PUM2: variants seen among roughly 807,000 people sequenced by gnomAD.
The protein encoded by PUM2 is pumilio RNA binding family member 2.
PUM2 carries 57 observed loss-of-function variants against 124.5 expected under a neutral mutation model. The observed-to-expected ratio is 0.46, with a 90% CI of 0.37 to 0.57. The LOEUF is 0.57. Among genes scored for constraint, PUM2 ranks in the 20% least tolerant of loss-of-function variants. PUM2 has a pLI of 0.00. For synonymous variants in PUM2, 460 were observed against 446.1 expected (o/e 1.03, Z -0.39); for missense variants, 1,065 against 1,290.6 (o/e 0.83, Z 2.68).
chr2:20,267,860 T>C (rs757554572), intron 13 of PUM2, among the ~76,000 whole-genome samples: 3 of 152,164 alleles, frequency 2.0e-5, no homozygotes, highest in Non-Finnish European at 4.4e-5. Context: ...CTTTAATTGG[T>C]TCCAGGACCC....
At chr2:20,288,318 GAC>G (rs1194094568) in intron 10 of PUM2, among the ~76,000 whole-genome samples, 1 of 152,132 alleles carries the variant, frequency 6.6e-6, no homozygotes, top group East Asian at 1.9e-4. Flanking sequence ...CAAAGAGTTG[GAC>G]ACAGTCAACA....
At chr2:20,260,751 ATTCAT>A (rs1450789985) in intron 14 of PUM2, among the ~76,000 whole-genome samples, 1 of 152,172 alleles carries the variant, frequency 6.6e-6, no homozygotes, top group Non-Finnish European at 1.5e-5. Flanking sequence ...TTTGCTGCTT[ATTCAT>A]TTATTTTTCA....
chr2:20,255,411 G>T, intron 17 of PUM2, 70 bp from the exon 18 acceptor site: 7 of 1,370,178 alleles, frequency 5.1e-6, no homozygotes, highest in Non-Finnish European at 6.9e-6. Flanking sequence ...AAGCAGACTG[G>T]TTTGTTTTTT....
intron 10 of PUM2, among the ~76,000 whole-genome samples, chr2:20,290,126 T>C (rs145763570): frequency 6.6e-6 from 1 of 152,348 alleles, no homozygotes; most frequent in Non-Finnish European, 1.5e-5. Context: ...AGAAATTTTA[T>C]ACTGTAATTT....
At chr2:20,296,799 A>G (rs1264437116) in intron 8 of PUM2, among the ~76,000 whole-genome samples, 1 of 152,196 alleles carries the variant, frequency 6.6e-6, no homozygotes, top group Non-Finnish European at 1.5e-5. Context: ...AAGAACCCCA[A>G]CTAAGATCAG....
At position 20,254,202 on chromosome 2, in the gene PUM2, C is replaced by A. The variant is rs534846979; in HGVS notation, c.2871-188G>T. Reference sequence around the variant, plus strand: ...TTGAGACAGGGTCTTGTTCTGTCACCCGGGCTGGAGTGCAGTGATGCTATC... The same window carrying A: ...TTGAGACAGGGTCTTGTTCTGTCACACGGGCTGGAGTGCAGTGATGCTATC... On this transcript the variant is annotated intron_variant, in intron 19 of 20. Transcript: ENST00000361078. 4.0e-5 allele frequency among the ~76,000 whole-genome samples: 6 copies of A among 151,898 alleles called. No individual in the cohort carries two copies. The East Asian group carries it at 9.7e-4, about 24-fold the overall frequency.
chr2:20,289,375 C>A (rs562429047), intron 10 of PUM2, among the ~76,000 whole-genome samples: 1 of 152,158 alleles, frequency 6.6e-6, no homozygotes, highest in Non-Finnish European at 1.5e-5. Flanking sequence ...CCAAAATAGT[C>A]TCAGTGGCCC....
chr2:20,351,469 G>A (rs997547710), upstream of PUM2, among the ~76,000 whole-genome samples: 1 of 152,214 alleles, frequency 6.6e-6, no homozygotes, highest in Admixed American at 6.5e-5. Context: ...CCAGTGCTTG[G>A]TCCCGGTGCA....
chr2:20,278,732 G>A lies in PUM2; in HGVS notation c.1808C>T (p.Ala603Val). Residue 603 changes from alanine (A) to valine (V), a missense_variant, in exon 13 of 21, where the codon GCA becomes GTA. Around this residue, in one of 3 missense-constraint regions of PUM2, gnomAD observed 968 missense variants for 1,159.8 expected, o/e 0.83. Transcript: ENST00000361078. The part of the protein sequence containing the change: ...DLYKRSSSSL[A>V]PIGQPFYNSL... Reference sequence around the variant, plus strand: ...ATTGTAAAATGGTTGCCCTATGGGTGCTAGGCTGCTACTAGATCTTTTGTA... The same window carrying A: ...ATTGTAAAATGGTTGCCCTATGGGTACTAGGCTGCTACTAGATCTTTTGTA... 6.2e-7 allele frequency: 1 copy of A among 1,613,584 alleles called. No individual in the cohort carries two copies.
chr2:20,334,156 T>TA (rs1033013581), intron 1 of PUM2, among the ~76,000 whole-genome samples: 90 of 151,612 alleles, frequency 5.9e-4, no homozygotes, highest in Non-Finnish European at 1.2e-3. Flanking sequence ...AATTTTTTTT[T>TA]AAAAAATTAG....
At chr2:20,286,078 T>G (rs1242571825) in intron 10 of PUM2, among the ~76,000 whole-genome samples, 1 of 152,188 alleles carries the variant, frequency 6.6e-6, no homozygotes, top group African/African-American at 2.4e-5. Flanking sequence ...TACAGGTCAC[T>G]GTTAATAACT....
At chr2:20,348,556 C>A (rs529788751) in intron 1 of PUM2, among the ~76,000 whole-genome samples, 65 of 152,312 alleles carry the variant, frequency 4.3e-4, no homozygotes, top group African/African-American at 1.4e-3. Flanking sequence ...ACACCTGGCC[C>A]AAATCTCTGG....
intron 1 of PUM2, among the ~76,000 whole-genome samples, chr2:20,340,997 TTTTG>T (rs1453806689): frequency 2.6e-5 from 4 of 152,212 alleles, no homozygotes; most frequent in East Asian, 1.9e-4. Context: ...AAACTGAACT[TTTTG>T]TTTATTTGTT....
intron 1 of PUM2, among the ~76,000 whole-genome samples, chr2:20,348,922 C>G (rs888885487): frequency 2.6e-5 from 4 of 152,162 alleles, no homozygotes; most frequent in African/African-American, 7.2e-5. Context: ...AGAACCAGAC[C>G]CTGTCTCAAA....
intron 1 of PUM2, among the ~76,000 whole-genome samples, chr2:20,347,657 C>A (rs1212695702): frequency 6.6e-6 from 1 of 152,190 alleles, no homozygotes; most frequent in Non-Finnish European, 1.5e-5. Context: ...CAACAGAATT[C>A]CGAACTGACT....
intron 1 of PUM2, chr2:20,331,698 G>A (rs1684958447): frequency 6.6e-6 from 1 of 151,662 alleles, no homozygotes; most frequent in African/African-American, 2.4e-5. Flanking sequence ...AAGAGTCAAA[G>A]TAAGCACTAG....
At chr2:20,300,276 A>T (rs1465455803) in intron 7 of PUM2, among the ~76,000 whole-genome samples, 1 of 151,954 alleles carries the variant, frequency 6.6e-6, no homozygotes, top group African/African-American at 2.4e-5. Context: ...CAGCCTCCCG[A>T]GTAGCTGGGA....
At chr2:20,262,547 G>A (rs745584187) in intron 14 of PUM2, among the ~76,000 whole-genome samples, 9 of 152,082 alleles carry the variant, frequency 5.9e-5, no homozygotes, top group Non-Finnish European at 8.8e-5. Flanking sequence ...ACGTATCCCC[G>A]TCATTAAGTG....
intron 3 of PUM2, among the ~76,000 whole-genome samples, chr2:20,316,668 G>C (rs965766329): frequency 1.3e-5 from 2 of 152,186 alleles, no homozygotes; most frequent in Non-Finnish European, 2.9e-5. Flanking sequence ...AGGATCACTT[G>C]AGGGCAGAAG....
Sources: gnomAD v4.1 joint callset for allele counts (sites outside exome capture counted in the v4.1 genomes callset) on GRCh38, gnomAD v4.1.1 for gene constraint, gnomAD v4.1.1 regional missense constraint, MANE v1.5 for transcripts, NCBI Gene and HGNC (gene_info 2026-07-23, HGNC 2026-07-21) for gene names.